SHISA6: variants seen among roughly 807,000 people sequenced by gnomAD.
SHISA6 encodes protein shisa-6.
SHISA6 carries 22 observed loss-of-function variants against 47.9 expected under a neutral mutation model. The observed-to-expected ratio is 0.46, with a 90% CI of 0.33 to 0.66. SHISA6 has a LOEUF of 0.66. SHISA6 is among the 30% of genes least tolerant of loss of function. The probability of loss-of-function intolerance (pLI) is 0.02; values close to 1 mark genes in which losing one functional copy is unlikely to be tolerated. For synonymous variants in SHISA6, 388 were observed against 337.8 expected, an observed-to-expected ratio of 1.15 and a Z score of -1.63; for missense variants, 680 against 764.6, an observed-to-expected ratio of 0.89 and a Z score of 1.30.
rs761217169 is a variant in SHISA6, at chr17:11,399,123, T to C, written c.895+19614T>C. On this transcript the variant is annotated intron_variant, in intron 3 of 5. Transcript: ENST00000441885. ...CACAGCTAGGAATAACAGTGGTAAT[T>C]AAGGCTGGGGCTGTCTGATTATAAT... 1.4e-4 allele frequency among the ~76,000 whole-genome samples: 21 copies of C among 152,184 alleles called. 1 individual carries two copies. The highest frequency in any genetic ancestry group is 1.9e-4 in the Non-Finnish European group (13 of 68,034).
At chr17:11,330,796 A>G (rs1911077625) in intron 2 of SHISA6, among the ~76,000 whole-genome samples, 1 of 101,204 alleles carries the variant, frequency 9.9e-6, no homozygotes, top group South Asian at 2.7e-4. Context: ...TAGTCAGATG[A>G]ATAAAATTAG....
At chr17:11,520,180 T>C (rs1280420054) in intron 3 of SHISA6, among the ~76,000 whole-genome samples, 1 of 152,236 alleles carries the variant, frequency 6.6e-6, no homozygotes, top group Admixed American at 6.5e-5. Flanking sequence ...AACACTTAGA[T>C]GTTCCACAAG....
chr17:11,241,349 G>C lies in SHISA6; in HGVS notation c.-74G>C. The C allele has an allele frequency of 1.1e-6, 1 of 937,976 alleles. No individual in the cohort carries two copies. Among genetic ancestry groups the C allele is most frequent in the South Asian group, 4.7e-5 (1 of 21,086 alleles). The allele number at this position is 937,976 out of a possible 1,614,324, so 58.1% of individuals were successfully genotyped here. Reference sequence around the variant, plus strand: ...GCCTCCAGCCCGGCCCGCGCGGCGGGTCCTCCGAGCCCGGCCCGCCGGGGG... The same window carrying C: ...GCCTCCAGCCCGGCCCGCGCGGCGGCTCCTCCGAGCCCGGCCCGCCGGGGG... On this transcript the variant is annotated 5_prime_UTR_variant, in exon 1 of 6. Coordinates refer to ENST00000441885, the MANE Select transcript of SHISA6 (RefSeq NM_207386.4). The surrounding 1 kb of genome is among the most constrained non-coding windows in gnomAD (Gnocchi z 5.5).
chr17:11,367,974 A>T (rs1377582277), intron 2 of SHISA6, among the ~76,000 whole-genome samples: 2 of 152,090 alleles, frequency 1.3e-5, no homozygotes, highest in Non-Finnish European at 2.9e-5. Flanking sequence ...CAGCTCCCCC[A>T]CCTAGAGTGC....
At chr17:11,262,136 G>GT (rs1908254078) in intron 1 of SHISA6, among the ~76,000 whole-genome samples, 2 of 152,302 alleles carry the variant, frequency 1.3e-5, no homozygotes, top group Middle Eastern at 6.8e-3. Flanking sequence ...TCTTTTTCAT[G>GT]TGGCGATCCA....
intron 3 of SHISA6, among the ~76,000 whole-genome samples, chr17:11,417,582 T>G (rs1015456974): frequency 3.9e-5 from 6 of 152,184 alleles, no homozygotes; most frequent in African/African-American, 1.4e-4. Context: ...GGACTAAGAT[T>G]TAGCTAAGAT....
At chr17:11,416,218 T>C (rs2047939619) in intron 3 of SHISA6, among the ~76,000 whole-genome samples, 1 of 152,194 alleles carries the variant, frequency 6.6e-6, no homozygotes, top group Non-Finnish European at 1.5e-5. Context: ...GCATTGCTCA[T>C]AGATGTCCCA....
intron 4 of SHISA6, among the ~76,000 whole-genome samples, chr17:11,554,947 C>T (rs1035374836): frequency 6.6e-6 from 1 of 152,108 alleles, no homozygotes; most frequent in Non-Finnish European, 1.5e-5. Flanking sequence ...CCCACTTTTC[C>T]TTCCATTCTT....
intron 2 of SHISA6, among the ~76,000 whole-genome samples, chr17:11,312,021 G>C (rs1386607624): frequency 2.0e-5 from 3 of 152,100 alleles, no homozygotes; most frequent in Non-Finnish European, 4.4e-5. Context: ...TGATTCGCCT[G>C]CCTGGGCCTC....
At chr17:11,323,499 A>G (rs1376512156) in intron 2 of SHISA6, among the ~76,000 whole-genome samples, 1 of 151,944 alleles carries the variant, frequency 6.6e-6, no homozygotes, top group African/African-American at 2.4e-5. Context: ...TACTAAAAAT[A>G]CAAAATTAAC....
chr17:11,334,524 C>T (rs895476433), intron 2 of SHISA6, among the ~76,000 whole-genome samples: 1 of 152,184 alleles, frequency 6.6e-6, no homozygotes, highest in African/African-American at 2.4e-5. Flanking sequence ...ACTTATCTAG[C>T]TCTGCCCTCC....
intron 3 of SHISA6, among the ~76,000 whole-genome samples, chr17:11,487,682 A>G (rs955991976): frequency 2.0e-5 from 3 of 152,218 alleles, no homozygotes; most frequent in Admixed American, 2.0e-4. Flanking sequence ...AAACATTTCA[A>G]TTTAGCAATT....
intron 4 of SHISA6, among the ~76,000 whole-genome samples, chr17:11,553,564 T>C (rs558273119): frequency 1.3e-5 from 2 of 152,306 alleles, no homozygotes; most frequent in East Asian, 3.9e-4. Context: ...TAGAGTTTTC[T>C]CTGCATTGCT....
intron 3 of SHISA6, among the ~76,000 whole-genome samples, chr17:11,386,460 C>A (rs1913197075): frequency 6.6e-6 from 1 of 152,144 alleles, no homozygotes; most frequent in Non-Finnish European, 1.5e-5. Context: ...CAGGTACTGA[C>A]AACTCTTTAG....
chr17:11,452,542 A>C (rs1915426580), intron 3 of SHISA6, among the ~76,000 whole-genome samples: 1 of 152,152 alleles, frequency 6.6e-6, no homozygotes, highest in South Asian at 2.1e-4. Flanking sequence ...AAATCCCATG[A>C]GCAAATGAGA....
At chr17:11,284,285 G>A (rs1382420854) in intron 2 of SHISA6, among the ~76,000 whole-genome samples, 1 of 152,124 alleles carries the variant, frequency 6.6e-6, no homozygotes, top group East Asian at 1.9e-4. Context: ...TTCTGGAGTT[G>A]GTTTAGTTGC....
intron 2 of SHISA6, among the ~76,000 whole-genome samples, chr17:11,376,322 T>C (rs1444600376): frequency 4.0e-5 from 2 of 49,566 alleles, no homozygotes; most frequent in Non-Finnish European, 7.4e-5. Flanking sequence ...TTTTTTTTTG[T>C]TTGTTTTTTT....
chr17:11,342,082 C>A (rs1216483039), intron 2 of SHISA6, among the ~76,000 whole-genome samples: 1 of 152,062 alleles, frequency 6.6e-6, no homozygotes, highest in Non-Finnish European at 1.5e-5. Context: ...ACTTCTCTGC[C>A]AGTATCTCTG....
At chr17:11,448,372 T>TA (rs1438710259) in intron 3 of SHISA6, among the ~76,000 whole-genome samples, 1 of 151,358 alleles carries the variant, frequency 6.6e-6, no homozygotes, top group African/African-American at 2.4e-5. Context: ...TCTAAAAAGA[T>TA]AAAAAATTAG....
Sources: gnomAD v4.1 joint callset for allele counts (sites outside exome capture counted in the v4.1 genomes callset) on GRCh38, gnomAD v4.1.1 for gene constraint, Gnocchi (gnomAD v3.1) non-coding constraint, MANE v1.5 for transcripts, NCBI Gene and HGNC (gene_info 2026-07-23, HGNC 2026-07-21) for gene names.